ANO10: variants seen among roughly 807,000 people sequenced by gnomAD.
The protein encoded by ANO10 is anoctamin-10.
ANO10 carries 77 observed loss-of-function variants against 74.7 expected under a neutral mutation model. The ratio of observed to expected loss-of-function variants is 1.03; its 90% CI spans 0.86 to 1.25. The LOEUF (loss-of-function observed/expected upper bound fraction) is 1.25. Among genes scored for constraint, ANO10 ranks in the 50% most tolerant of loss-of-function variants. The probability of loss-of-function intolerance (pLI) is 0.00; values close to 1 mark genes in which losing one functional copy is unlikely to be tolerated. For missense variants in ANO10, 721 were observed against 778.1 expected, an observed-to-expected ratio of 0.93 and a Z score of 0.87; for synonymous variants, 279 against 284.9, an observed-to-expected ratio of 0.98 and a Z score of 0.21.
At chr3:43,624,778 G>A (rs901743684), upstream of ANO10, among the ~76,000 whole-genome samples, 2 of 152,212 alleles carry the variant, frequency 1.3e-5, no homozygotes, top group African/African-American at 2.4e-5. Flanking sequence ...GATTCACATC[G>A]CAGGAGGGAT....
intron 4 of ANO10, among the ~76,000 whole-genome samples, chr3:43,582,823 T>C (rs758215931): frequency 1.3e-5 from 2 of 152,196 alleles, no homozygotes; most frequent in Admixed American, 6.5e-5. Flanking sequence ...CGAATCCATT[T>C]TTTAATATTT....
At chr3:43,449,257 C>T (rs1009764755) in intron 11 of ANO10, among the ~76,000 whole-genome samples, 23 of 152,018 alleles carry the variant, frequency 1.5e-4, no homozygotes, top group African/African-American at 4.8e-4. Flanking sequence ...ACGTATTTTG[C>T]AAATATTTTC....
At position 43,598,685 on chromosome 3, in the gene ANO10, T is replaced by C; in HGVS notation, c.338-19A>G. Reference sequence around the variant, plus strand: ...TTGTTATCTAAAATAAAACAGAAATTACCAGATTTTAGTAATAATCAAAAT... The same window carrying C: ...TTGTTATCTAAAATAAAACAGAAATCACCAGATTTTAGTAATAATCAAAAT... On this transcript the variant is annotated intron_variant, in intron 3 of 12. Coordinates refer to ENST00000292246, the MANE Select transcript of ANO10 (RefSeq NM_018075.5). The C allele has an allele frequency of 6.4e-7, 1 of 1,569,074 alleles. No homozygotes were observed. Among genetic ancestry groups the C allele is most frequent in the Non-Finnish European group, 8.7e-7 (1 of 1,148,088 alleles).
At chr3:43,486,188 C>A (rs1054489421) in intron 11 of ANO10, among the ~76,000 whole-genome samples, 2 of 152,236 alleles carry the variant, frequency 1.3e-5, no homozygotes, top group African/African-American at 4.8e-5. Flanking sequence ...TATCTATTCT[C>A]TCTGAGGGCC....
intron 12 of ANO10, among the ~76,000 whole-genome samples, chr3:43,426,900 C>T (rs960880485): frequency 1.9e-4 from 29 of 152,282 alleles, no homozygotes; most frequent in African/African-American, 7.0e-4. Context: ...TTTAGAAACA[C>T]ACATAGCTTC....
intron 11 of ANO10, among the ~76,000 whole-genome samples, chr3:43,448,695 A>G (rs1274180541): frequency 6.6e-6 from 1 of 152,202 alleles, no homozygotes; most frequent in Non-Finnish European, 1.5e-5. Context: ...TTTTCAACCC[A>G]TTTGGGTAAA....
chr3:43,638,477 A>G (rs180810080), intron 1 of ANO10, among the ~76,000 whole-genome samples: 45 of 152,346 alleles, frequency 3.0e-4, no homozygotes, highest in Admixed American at 8.5e-4. Context: ...TTGGCTATTC[A>G]GTCTGCTCAA....
At chr3:43,605,999 G>T in intron 1 of ANO10, 136 bp from the exon 2 acceptor site, 1 of 925,472 alleles carries the variant, frequency 1.1e-6, no homozygotes, top group Non-Finnish European at 1.6e-6. Context: ...GATTCAGATG[G>T]GTTATATGAC....
intron 1 of ANO10, among the ~76,000 whole-genome samples, chr3:43,629,449 GA>G (rs1257920231): frequency 2.0e-5 from 3 of 152,126 alleles, no homozygotes; most frequent in African/African-American, 7.2e-5. Context: ...TATTCTAAGA[GA>G]AATGAGTCAC....
chr3:43,634,226 G>C (rs2083581748), intron 1 of ANO10, among the ~76,000 whole-genome samples: 1 of 151,856 alleles, frequency 6.6e-6, no homozygotes. Context: ...AGCCTACACA[G>C]GTAACTGAAC....
rs145734094 is a variant in ANO10, at chr3:43,434,507, T to C, written c.1798-1780A>G. On this transcript the variant is annotated intron_variant, in intron 11 of 12. Coordinates refer to ENST00000292246, the MANE Select transcript of ANO10 (RefSeq NM_018075.5). The stretch of plus-strand genomic sequence containing the variant: ...AAGTACACAAATTAGTAGATAAAAA[T>C]AAATCTTCCATGTATTTCAGAGTCT... Among the ~76,000 whole-genome samples the C allele has an allele frequency of 2.0e-3, 298 of 152,298 alleles. 1 individual carries two copies. The highest frequency in any genetic ancestry group is 6.6e-3 in the African/African-American group (275 of 41,556).
chr3:43,669,337 G>A (rs758118478), intron 1 of ANO10, among the ~76,000 whole-genome samples: 2 of 152,132 alleles, frequency 1.3e-5, no homozygotes, highest in Admixed American at 6.5e-5. Context: ...TATTCTCTGT[G>A]AGAATCTGGT....
At chr3:43,530,658 G>A (rs1489225005) in intron 11 of ANO10, among the ~76,000 whole-genome samples, 2 of 151,986 alleles carry the variant, frequency 1.3e-5, no homozygotes, top group African/African-American at 4.8e-5. Flanking sequence ...TATTTTGAGA[G>A]AGAGACCCCA....
At chr3:43,456,449 C>T (rs2075131729) in intron 11 of ANO10, among the ~76,000 whole-genome samples, 1 of 152,164 alleles carries the variant, frequency 6.6e-6, no homozygotes. Flanking sequence ...CCTTATGTAG[C>T]TCTGGCTTTA....
At chr3:43,372,070 A>G (rs1423386083) in intron 12 of ANO10, among the ~76,000 whole-genome samples, 1 of 152,122 alleles carries the variant, frequency 6.6e-6, no homozygotes, top group Non-Finnish European at 1.5e-5. Flanking sequence ...TTGTTGCTTC[A>G]TTTTAACACT....
chr3:43,493,941 G>T (rs1248004451), intron 11 of ANO10, among the ~76,000 whole-genome samples: 2 of 152,072 alleles, frequency 1.3e-5, no homozygotes, highest in African/African-American at 4.8e-5. Flanking sequence ...TTGCTTTGTT[G>T]TCTAGGCTAG....
intron 12 of ANO10, among the ~76,000 whole-genome samples, chr3:43,419,375 G>C (rs1342737774): frequency 6.6e-6 from 1 of 152,208 alleles, no homozygotes; most frequent in African/African-American, 2.4e-5. Flanking sequence ...AACAGCTGGA[G>C]ATCCATTCCT....
At chr3:43,478,709 T>C (rs548107817) in intron 11 of ANO10, among the ~76,000 whole-genome samples, 1 of 152,380 alleles carries the variant, frequency 6.6e-6, no homozygotes, top group South Asian at 2.1e-4. Flanking sequence ...TTTGACACAG[T>C]ACAATTTTTC....
intron 11 of ANO10, among the ~76,000 whole-genome samples, chr3:43,494,652 T>C (rs1226220738): frequency 6.6e-6 from 1 of 152,006 alleles, no homozygotes; most frequent in Non-Finnish European, 1.5e-5. Context: ...TAGTTAAAAA[T>C]GAAGATTGAT....
Sources: allele counts gnomAD v4.1 joint callset (sites outside exome capture counted in the v4.1 genomes callset), GRCh38; gene constraint gnomAD v4.1.1; transcripts MANE v1.5; gene names NCBI Gene and HGNC (gene_info 2026-07-23, HGNC 2026-07-21).